The following VPS13A variants were observed in gnomAD, a reference collection of about 807,000 sequenced individuals.
The protein encoded by VPS13A is vacuolar protein sorting 13 homolog A.
Under a neutral mutation model 390.9 loss-of-function variants are expected in VPS13A, and 264 were observed. The ratio of observed to expected loss-of-function variants is 0.68; its 90% CI spans 0.61 to 0.75. The LOEUF is 0.75. VPS13A is among the 30% of genes least tolerant of loss of function. The pLI is 0.00. For missense variants in VPS13A, 3,409 were observed against 3,733.9 expected (o/e 0.91, Z 2.27); for synonymous variants, 1,231 against 1,227.1 (o/e 1.00, Z -0.07).
chr9:77,189,985 T>C (rs1374507251), intron 1 of VPS13A, among the ~76,000 whole-genome samples: 1 of 152,064 alleles, frequency 6.6e-6, no homozygotes, highest in African/African-American at 2.4e-5. Context: ...TTATTAGTTC[T>C]AGGAACCTTT....
intron 36 of VPS13A, 111 bp downstream of exon 36, chr9:77,314,230 CT>C: frequency 8.2e-7 from 1 of 1,220,994 alleles, no homozygotes; most frequent in South Asian, 1.4e-5. Context: ...GTATCTGTCC[CT>C]CTGAGAAAAA....
chr9:77,187,105 C>T (rs1049272671), intron 1 of VPS13A, among the ~76,000 whole-genome samples: 7 of 152,144 alleles, frequency 4.6e-5, no homozygotes, highest in African/African-American at 1.7e-4. Context: ...TATGTATATA[C>T]TGCATTTTGT....
intron 33 of VPS13A, among the ~76,000 whole-genome samples, chr9:77,296,556 ACTT>A (rs1374146476): frequency 6.6e-6 from 1 of 151,706 alleles, no homozygotes. Context: ...CCCATTCTCT[ACTT>A]CTCTTTAGCT....
chr9:77,369,158 T>G (rs1442340263), intron 62 of VPS13A, 141 bp from the exon 63 acceptor site: 1 of 680,746 alleles, frequency 1.5e-6, no homozygotes, highest in Non-Finnish European at 2.6e-6. Flanking sequence ...AGAGTAGTGA[T>G]TAATAAAATG....
rs1225656843 is a variant in VPS13A, at chr9:77,295,959, A to G, written c.3812+113A>G. On this transcript the variant is annotated intron_variant, in intron 33 of 71. Transcript: ENST00000360280. ...TGAGATTTTATTTTATTAATTATAC[A>G]TAACTTAGTGATTCTCTCTTCCTTA... 3 of 1,092,364 alleles carry G rather than the reference A, an allele frequency of 2.7e-6. No homozygotes were observed. The East Asian group carries it at 7.8e-5, about 28-fold the overall frequency. 67.7% of individuals were successfully genotyped at this position (1,092,364 alleles called of 1,614,324 possible). A position where few individuals can be genotyped will look rare whatever the true frequency, so the allele number is the denominator to read the frequency against.
intron 13 of VPS13A, among the ~76,000 whole-genome samples, chr9:77,224,052 A>G (rs1823370170): frequency 6.6e-6 from 1 of 152,140 alleles, no homozygotes; most frequent in Non-Finnish European, 1.5e-5. Context: ...TGCTCTATAC[A>G]CGGAACAGCA....
intron 46 of VPS13A, among the ~76,000 whole-genome samples, chr9:77,332,510 T>C (rs1830328409): frequency 6.6e-6 from 1 of 151,822 alleles, no homozygotes; most frequent in South Asian, 2.1e-4. Context: ...CAATATTTTA[T>C]CCTTTTCTTT....
intron 67 of VPS13A, among the ~76,000 whole-genome samples, chr9:77,375,228 A>G (rs954239533): frequency 1.1e-4 from 16 of 152,194 alleles, no homozygotes; most frequent in African/African-American, 2.4e-4. Context: ...TGAGGGCACA[A>G]TGAAACATTT....
rs1934727 is a variant in VPS13A at position 77,273,101 on chromosome 9, T to G, written c.2428-179T>G. ...TTTAGCCTTAAAATTGTAAAACTAC[T>G]TCTTTAAAATCTGCGTTTTATAATG... On this transcript the variant is annotated intron_variant, in intron 23 of 71. Transcript: ENST00000360280. Among the ~76,000 whole-genome samples, 4,570 of 152,312 alleles carry G rather than the reference T, an allele frequency of 0.03. 177 individuals carry two copies. Among genetic ancestry groups the G allele is most frequent in the African/African-American group, 0.091 (3,802 of 41,554 alleles).
At position 77,227,476 on chromosome 9, in the gene VPS13A, A is replaced by G. The variant is rs1823580850; in HGVS notation, c.1443A>G (p.Leu481=). 1 of 1,610,612 alleles carries G rather than the reference A, an allele frequency of 6.2e-7. No homozygotes were observed. The highest frequency in any genetic ancestry group is 1.3e-5 in the African/African-American group (1 of 74,844). The change falls in exon 16 of 72, where the codon TTA becomes TTG. Residue 481 remains leucine, a synonymous_variant. Coordinates refer to ENST00000360280, the MANE Select transcript of VPS13A (RefSeq NM_033305.3). ...GTGAAACAGCAGTTGATCCAACTTTACTAAAAACAGTAAGATGTTTTCTTG... is the reference window on the plus strand; with the variant it reads ...GTGAAACAGCAGTTGATCCAACTTTGCTAAAAACAGTAAGATGTTTTCTTG... ...GYSETAVDPT[L]LKTFEALKFF...
rs1830723436 is a variant in VPS13A, at chr9:77,339,893, C to G, written c.6756C>G (p.His2252Gln). The change falls in exon 48 of 72, where the codon CAC becomes CAG. Residue 2252 changes from histidine to glutamine, a missense_variant. This residue lies in a region of VPS13A where 2,717 missense variants were observed against 2,917.4 expected (regional missense o/e 0.93). Coordinates refer to ENST00000360280, the MANE Select transcript of VPS13A (RefSeq NM_033305.3). ...TTCTCTTTTCTTTTCAGCCAAATCA[C>G]TTTTTTAATAACAATAAGGTATGCG... ...KPVLFSFQPN[H>Q]FFNNNKVQLM... The G allele has an allele frequency of 1.2e-6, 2 of 1,611,568 alleles. No individual in the cohort carries two copies. The highest frequency in any genetic ancestry group is 4.5e-5 in the East Asian group (2 of 44,858).
At chr9:77,179,378 C>G (rs1279549441) in intron 1 of VPS13A, among the ~76,000 whole-genome samples, 1 of 152,154 alleles carries the variant, frequency 6.6e-6, no homozygotes. Context: ...TGCAGTTGAT[C>G]TCACCCCGCC....
At chr9:77,390,105 T>C in intron 68 of VPS13A, 1 of 985,246 alleles carries the variant, frequency 1.0e-6, no homozygotes, top group Non-Finnish European at 1.2e-6. Flanking sequence ...ATCACCAGAG[T>C]AGTGCCGAAC....
At chr9:77,252,118 A>T in intron 21 of VPS13A, 117 bp from the exon 22 acceptor site, 1 of 819,680 alleles carries the variant, frequency 1.2e-6, no homozygotes, top group Non-Finnish European at 2.1e-6. Flanking sequence ...CATTAAGATT[A>T]CCTAGATGTG....
chr9:77,403,120 C>G, intron 68 of VPS13A, 116 bp from the exon 69 acceptor site: 1 of 692,008 alleles, frequency 1.4e-6, no homozygotes, highest in Non-Finnish European at 2.5e-6. Flanking sequence ...AATGTTTTCT[C>G]TATGTTAATG....
In VPS13A at chr9:77,227,482, A is replaced by G. The variant is rs777736495; in HGVS notation, c.1449A>G (p.Lys483=). The G allele has an allele frequency of 6.2e-7, 1 of 1,607,408 alleles. No homozygotes were observed. Among genetic ancestry groups the G allele is most frequent in the East Asian group, 2.2e-5 (1 of 44,746 alleles). ...CAGCAGTTGATCCAACTTTACTAAA[A>G]ACAGTAAGATGTTTTCTTGCCTTAT... is the stretch of plus-strand genomic sequence containing the variant. ...SETAVDPTLL[K]TFEALKFFVH... is the part of the protein sequence containing the mutation. Residue 483 remains lysine, a synonymous_variant, in exon 16 of 72, where the codon AAA becomes AAG. Coordinates refer to ENST00000360280, the MANE Select transcript of VPS13A (RefSeq NM_033305.3).
intron 1 of VPS13A, among the ~76,000 whole-genome samples, chr9:77,181,973 C>G (rs1253822480): frequency 3.9e-5 from 6 of 152,154 alleles, no homozygotes; most frequent in African/African-American, 1.4e-4. Context: ...GTAAGGTATA[C>G]TTTTTATACA....
chr9:77,358,295 G>A, intron 56 of VPS13A, 62 bp from the exon 57 acceptor site: 2 of 1,382,250 alleles, frequency 1.4e-6, no homozygotes, highest in Non-Finnish European at 2.1e-6. Context: ...CTCAAATCCT[G>A]TTATTCTGGT....
In VPS13A at chr9:77,281,923, TA is replaced by T; in HGVS notation, c.2963del (p.Lys988ArgfsTer2). On this transcript the variant is annotated frameshift_variant and splice_region_variant, in exon 28 of 72. Coordinates refer to ENST00000360280, the MANE Select transcript of VPS13A (RefSeq NM_033305.3). LOFTEE classifies it high-confidence loss of function. ...STYNNVLQLI[K>X]VNFSSLDIHL... ...CCTATAACAATGTTTTACAATTGATTAAGGTATGAGTAGATAATTTATTTTT... is the reference window on the plus strand; with the variant it reads ...CCTATAACAATGTTTTACAATTGATTAGGTATGAGTAGATAATTTATTTTT... The T allele has an allele frequency of 6.4e-7, 1 of 1,561,930 alleles. No homozygotes were observed. The highest frequency in any genetic ancestry group is 8.8e-7 in the Non-Finnish European group (1 of 1,134,366).
Sources: gnomAD v4.1 joint callset for allele counts (sites outside exome capture counted in the v4.1 genomes callset) on GRCh38, gnomAD v4.1.1 for gene constraint, gnomAD v4.1.1 regional missense constraint, MANE v1.5 for transcripts, NCBI Gene and HGNC (gene_info 2026-07-23, HGNC 2026-07-21) for gene names.